Variants in PSTPIP2 observed in about 807,000 individuals in gnomAD.
PSTPIP2 encodes proline-serine-threonine phosphatase interacting protein 2.
A neutral mutation model predicts 63.3 loss-of-function variants in PSTPIP2; 33 were observed. The ratio of observed to expected loss-of-function variants is 0.52; its 90% CI spans 0.40 to 0.70. The LOEUF (loss-of-function observed/expected upper bound fraction) is 0.70. PSTPIP2 is among the 30% of genes least tolerant of loss of function. The pLI, the probability that PSTPIP2 is intolerant of heterozygous loss-of-function variation, is 0.00. For synonymous variants in PSTPIP2, 125 were observed against 132.7 expected (o/e 0.94, Z 0.40); for missense variants, 312 against 400.7 (o/e 0.78, Z 1.89).
intron 1 of PSTPIP2, among the ~76,000 whole-genome samples, chr18:46,049,052 GTGTGGA>G (rs777499534): frequency 1.4e-4 from 19 of 139,600 alleles, no homozygotes; most frequent in African/African-American, 4.2e-4. Flanking sequence ...GTGTGTGTGT[GTGTGGA>G]GAGAGAGAGA....
chr18:46,037,193 C>G (rs1908012519), intron 2 of PSTPIP2, among the ~76,000 whole-genome samples: 1 of 152,074 alleles, frequency 6.6e-6, no homozygotes, highest in African/African-American at 2.4e-5. Flanking sequence ...ACTCTTGTTG[C>G]CCAGGCTGGA....
At chr18:45,999,147 C>T (rs188551809) in intron 7 of PSTPIP2, among the ~76,000 whole-genome samples, 7 of 152,300 alleles carry the variant, frequency 4.6e-5, no homozygotes, top group African/African-American at 1.7e-4. Flanking sequence ...GGCAGCCTGA[C>T]TACAAAGAAT....
intron 9 of PSTPIP2, 32 bp from the exon 10 acceptor site, chr18:45,993,735 T>G (rs2051562967): frequency 6.3e-7 from 1 of 1,580,260 alleles, no homozygotes; most frequent in South Asian, 1.1e-5. Flanking sequence ...TACATAGATA[T>G]GCAAGGAAAA....
intron 2 of PSTPIP2, chr18:46,029,409 G>A (rs2144101192): frequency 6.0e-6 from 9 of 1,490,098 alleles, no homozygotes; most frequent in Non-Finnish European, 7.5e-6. Flanking sequence ...TGCCTCTTCG[G>A]GGATGGAGAA....
At chr18:45,989,718 G>A (rs550279945) in intron 13 of PSTPIP2, 1 of 152,350 alleles carries the variant, frequency 6.6e-6, no homozygotes, top group African/African-American at 2.4e-5. Context: ...ACTAATGAGA[G>A]CTTGTTTGGA....
chr18:46,029,604 T>G lies in PSTPIP2; in HGVS notation c.135-4918A>C, dbSNP rs574582726. 3.9e-5 allele frequency: 30 copies of G among 770,112 alleles called. No homozygotes were observed. The African/African-American group carries it at 4.8e-4, about 12-fold the overall frequency. The allele number at this position is 770,112 out of a possible 1,614,324, so 47.7% of individuals were successfully genotyped here. On this transcript the variant is annotated intron_variant, in intron 2 of 14. Coordinates refer to ENST00000409746, the MANE Select transcript of PSTPIP2 (RefSeq NM_024430.4). ...GAACAAACCCAAAGCCAATGAAAGC[T>G]ATAATGAACTTGGTTACAGGTGTTA...
At chr18:46,032,000 G>A (rs1374843703) in intron 2 of PSTPIP2, among the ~76,000 whole-genome samples, 2 of 152,318 alleles carry the variant, frequency 1.3e-5, no homozygotes, top group African/African-American at 2.4e-5. Flanking sequence ...CCGTAAATGG[G>A]AAGCAATGGG....
At chr18:46,013,286 AAGAAGACACCTT>A (rs961433307) in intron 4 of PSTPIP2, among the ~76,000 whole-genome samples, 1 of 152,134 alleles carries the variant, frequency 6.6e-6, no homozygotes, top group African/African-American at 2.4e-5. Flanking sequence ...TTACGGAGGG[AAGAAGACACCTT>A]CTATGTAAAA....
intron 1 of PSTPIP2, among the ~76,000 whole-genome samples, chr18:46,067,934 G>A (rs1235173287): frequency 1.3e-5 from 2 of 151,912 alleles, no homozygotes; most frequent in Non-Finnish European, 2.9e-5. Flanking sequence ...TCTAAACATT[G>A]TACAAAATAC....
At chr18:45,992,459 A>G (rs4121894) in intron 10 of PSTPIP2, among the ~76,000 whole-genome samples, 36,371 of 151,344 alleles carry the variant, frequency 0.24, 6,252 homozygotes, top group African/African-American at 0.47. Context: ...CTACTTGGGA[A>G]GCTGAGGCAG....
chr18:46,029,833 G>T (rs1012671067), intron 2 of PSTPIP2: 3 of 426,848 alleles, frequency 7.0e-6, no homozygotes, highest in Admixed American at 3.2e-5. Flanking sequence ...GGGCAAGGCC[G>T]GCTGGGCGCG....
intron 2 of PSTPIP2, among the ~76,000 whole-genome samples, chr18:46,036,618 C>A (rs748041556): frequency 2.2e-4 from 34 of 152,208 alleles, no homozygotes; most frequent in Non-Finnish European, 4.1e-4. Context: ...CGGAGCGGCT[C>A]CTTGCACTGG....
At chr18:46,027,910 C>T (rs187300407) in intron 2 of PSTPIP2, among the ~76,000 whole-genome samples, 39 of 152,264 alleles carry the variant, frequency 2.6e-4, no homozygotes, top group African/African-American at 8.7e-4. Flanking sequence ...TCTGTAATCA[C>T]AGCACTTTGG....
intron 2 of PSTPIP2, among the ~76,000 whole-genome samples, chr18:46,030,708 G>C (rs188953407): frequency 1.6e-4 from 24 of 152,272 alleles, no homozygotes; most frequent in African/African-American, 5.1e-4. Flanking sequence ...ATAGTTCAAG[G>C]GTAGGAAGGG....
At chr18:46,037,700 G>A (rs1027042066) in intron 2 of PSTPIP2, among the ~76,000 whole-genome samples, 1 of 152,126 alleles carries the variant, frequency 6.6e-6, no homozygotes, top group African/African-American at 2.4e-5. Flanking sequence ...TCCTGCAAGC[G>A]TGCCACCAGG....
At chr18:46,021,801 G>C (rs897012153) in intron 3 of PSTPIP2, among the ~76,000 whole-genome samples, 1 of 125,030 alleles carries the variant, frequency 8.0e-6, no homozygotes. Flanking sequence ...CAAAAAATTA[G>C]CCGGGCCACT....
At chr18:46,049,448 A>G (rs1203683417) in intron 1 of PSTPIP2, among the ~76,000 whole-genome samples, 1 of 152,134 alleles carries the variant, frequency 6.6e-6, no homozygotes, top group Non-Finnish European at 1.5e-5. Flanking sequence ...CTGCACTTGT[A>G]TCCCTGAACT....
At chr18:46,050,159 A>T (rs1363757931) in intron 1 of PSTPIP2, among the ~76,000 whole-genome samples, 1 of 152,230 alleles carries the variant, frequency 6.6e-6, no homozygotes. Flanking sequence ...GAAATTAGCA[A>T]TATCCATTAA....
intron 2 of PSTPIP2, among the ~76,000 whole-genome samples, chr18:46,033,698 GAAAAA>G (rs35450100): frequency 1.9e-5 from 2 of 103,148 alleles, no homozygotes; most frequent in East Asian, 2.7e-4. Context: ...ACTCCATCTC[GAAAAA>G]AAAAAAAAAA....
Sources: allele counts gnomAD v4.1 joint callset (sites outside exome capture counted in the v4.1 genomes callset), GRCh38; gene constraint gnomAD v4.1.1; transcripts MANE v1.5; gene names NCBI Gene and HGNC (gene_info 2026-07-23, HGNC 2026-07-21).